Variants in TMEM185B observed in about 807,000 individuals in gnomAD.
TMEM185B encodes the protein transmembrane protein 185B, also known as ee3_2.
Under a neutral mutation model 26.2 loss-of-function variants are expected in TMEM185B, and 9 were observed. The ratio of observed to expected loss-of-function variants is 0.34; its 90% CI spans 0.21 to 0.60. The LOEUF is 0.60. Ranked by LOEUF, TMEM185B falls within the 20% of genes least tolerant of loss-of-function variation. The pLI, the probability that TMEM185B is intolerant of heterozygous loss-of-function variation, is 0.80. For synonymous variants in TMEM185B, 204 were observed against 191.8 expected, an observed-to-expected ratio of 1.06 and a Z score of -0.52; for missense variants, 392 against 447.9, an observed-to-expected ratio of 0.88 and a Z score of 1.13.
In TMEM185B at chr2:120,223,117, A is replaced by C. The variant is rs971837598; in HGVS notation, c.-141T>G. ...GACGAATGCCGGGACGACCAGGAGGAGGTTCGGAGCGGCGAAGCGGAGAGG... is the reference window on the plus strand; with the variant it reads ...GACGAATGCCGGGACGACCAGGAGGCGGTTCGGAGCGGCGAAGCGGAGAGG... On this transcript the variant is annotated 5_prime_UTR_variant, in exon 1 of 1. Coordinates refer to ENST00000426077, the MANE Select transcript of TMEM185B (RefSeq NM_024121.3). 1 of 583,856 alleles carries C rather than the reference A, an allele frequency of 1.7e-6. No homozygotes were observed. Among genetic ancestry groups the C allele is most frequent in the African/African-American group, 1.9e-5 (1 of 51,320 alleles). The allele number at this position is 583,856 out of a possible 1,614,324, so 36.2% of individuals were successfully genotyped here.
Position 120,222,181 on chromosome 2 carries a change from C to G in TMEM185B, c.796G>C (p.Gly266Arg). 7.1e-6 allele frequency: 11 copies of G among 1,548,786 alleles called. No homozygotes were observed. The highest frequency in any genetic ancestry group is 8.7e-6 in the Non-Finnish European group (10 of 1,150,504). ...TLMATTFRRK[G>R]GNHWWFGIRR... ...ATGCCAAACCACCAATGATTGCCCC[C>G]CTTTCGCCTAAATGTTGTGGCCATT... Residue 266 changes from glycine (G) to arginine (R), a missense_variant, in exon 1 of 1, where the codon GGG becomes CGG. Coordinates refer to ENST00000426077, the MANE Select transcript of TMEM185B (RefSeq NM_024121.3).
In TMEM185B at chr2:120,222,941, G is replaced by T. The variant is rs1462427414; in HGVS notation, c.36C>A (p.Pro12=). The T allele has an allele frequency of 6.9e-7, 1 of 1,444,768 alleles. No individual in the cohort carries two copies. The highest frequency in any genetic ancestry group is 2.8e-5 in the Admixed American group (1 of 35,154). 89.5% of individuals were successfully genotyped at this position (1,444,768 alleles called of 1,614,324 possible). The part of the protein sequence containing the change: ...NPRGLFQDFN[P]SKFLIYTCLL... ...GGCAGGTGTAGATGAGAAACTTACT[G>T]GGGTTGAAGTCCTGGAACAGGCCCC... The change falls in exon 1 of 1, where the codon CCC becomes CCA. Residue 12 remains proline, a synonymous_variant. Transcript: ENST00000426077.
rs1688540720 is a variant in TMEM185B, at chr2:120,218,871, G to T, written c.*3053C>A. On this transcript the variant is annotated 3_prime_UTR_variant, in exon 1 of 1. Transcript: ENST00000426077. Reference sequence around the variant, plus strand: ...CATTTTGTAATACTGAGGTCACGGAGTGACAGCCCCCTGTGTGGACTGTGC... The same window carrying T: ...CATTTTGTAATACTGAGGTCACGGATTGACAGCCCCCTGTGTGGACTGTGC... Among the ~76,000 whole-genome samples, 1 of 152,254 alleles carries T rather than the reference G, an allele frequency of 6.6e-6. No individual in the cohort carries two copies. The highest frequency in any genetic ancestry group is 2.1e-4 in the South Asian group (1 of 4,836).
Position 120,222,723 on chromosome 2 carries a change from A to G in TMEM185B, c.254T>C (p.Leu85Pro). ...CAGCAGGTGGATGCCCACAGCGATC[A>G]GCATGGCTTTGAACTCCACACAGGC... is the stretch of plus-strand genomic sequence containing the variant. ...GEACVEFKAM[L>P]IAVGIHLLLL... is the part of the protein sequence containing the mutation. Residue 85 changes from leucine to proline, a missense_variant, in exon 1 of 1, where the codon CTG becomes CCG. By Grantham distance (98) the Leu-to-Pro change is moderately conservative. This residue lies in a region of TMEM185B where 175 missense variants were observed against 169.1 expected (regional missense o/e 1.03). Transcript: ENST00000426077. 1 of 1,536,514 alleles carries G rather than the reference A, an allele frequency of 6.5e-7. No individual in the cohort carries two copies. Among genetic ancestry groups the G allele is most frequent in the Non-Finnish European group, 8.7e-7 (1 of 1,146,978 alleles).
Position 120,222,670 on chromosome 2 carries a change from C to G in TMEM185B, c.307G>C (p.Asp103His), listed in dbSNP as rs1688609403. 5 of 1,536,418 alleles carry G rather than the reference C, an allele frequency of 3.3e-6. No homozygotes were observed. The highest frequency in any genetic ancestry group is 1.4e-5 in the African/African-American group (1 of 73,060). Residue 103 changes from aspartate (D) to histidine (H), a missense_variant, in exon 1 of 1, where the codon GAC (aspartate) becomes CAC (histidine). Asp to His is a moderately conservative substitution (Grantham distance 81). Coordinates refer to ENST00000426077, the MANE Select transcript of TMEM185B (RefSeq NM_024121.3). ...LLLMFEVLVCDRVERGTHFWL... is the reference protein window; with the variant it reads ...LLLMFEVLVCHRVERGTHFWL... ...AAGTGGGTGCCCCTCTCCACCCTGTCGCAGACCAGGACTTCGAACATGAGC... is the reference window on the plus strand; with the variant it reads ...AAGTGGGTGCCCCTCTCCACCCTGTGGCAGACCAGGACTTCGAACATGAGC...
In TMEM185B at chr2:120,222,838, T is replaced by A; in HGVS notation, c.139A>T (p.Ile47Leu). 1 of 1,511,414 alleles carries A rather than the reference T, an allele frequency of 6.6e-7. No individual in the cohort carries two copies. The highest frequency in any genetic ancestry group is 8.8e-7 in the Non-Finnish European group (1 of 1,136,242). 93.6% of individuals were successfully genotyped at this position (1,511,414 alleles called of 1,614,324 possible). The change falls in exon 1 of 1, where the codon ATA (isoleucine) becomes TTA (leucine). Residue 47 changes from isoleucine (I) to leucine (L), a missense_variant. Transcript: ENST00000426077. ...ACGACTAGAAGCTTCCACAGCCATA[T>A]GGGGGCAAAGACGGCCCAGTAGCTC... is the stretch of plus-strand genomic sequence containing the variant. ...QWSYWAVFAP[I>L]WLWKLLVVAG...
chr2:120,222,508 C>T lies in TMEM185B; in HGVS notation c.469G>A (p.Ala157Thr). Residue 157 changes from alanine to threonine, a missense_variant, in exon 1 of 1, where the codon GCC (alanine) becomes ACC (threonine). Ala to Thr is a moderately conservative substitution (Grantham distance 58, BLOSUM62 0). Coordinates refer to ENST00000426077, the MANE Select transcript of TMEM185B (RefSeq NM_024121.3). ...TGAATAATCCTGTCCAGCTTTAGGG[C>T]GATGAAGATGAACTGCAGGATGTTG... ...SVNILQFIFI[A>T]LKLDRIIHWP... 2 of 1,536,216 alleles carry T rather than the reference C, an allele frequency of 1.3e-6. No homozygotes were observed. The highest frequency in any genetic ancestry group is 1.7e-6 in the Non-Finnish European group (2 of 1,146,910).
At position 120,218,868 on chromosome 2, in the gene TMEM185B, G is replaced by A. The variant is rs1198124764; in HGVS notation, c.*3056C>T. 6.6e-6 allele frequency among the ~76,000 whole-genome samples: 1 copy of A among 152,252 alleles called. No homozygotes were observed. Among genetic ancestry groups the A allele is most frequent in the African/African-American group, 2.4e-5 (1 of 41,464 alleles). On this transcript the variant is annotated 3_prime_UTR_variant, in exon 1 of 1. Transcript: ENST00000426077. ...AACCATTTTGTAATACTGAGGTCAC[G>A]GAGTGACAGCCCCCTGTGTGGACTG...
rs557662077 is a variant in TMEM185B at position 120,219,755 on chromosome 2, C to A, written c.*2169G>T. Among the ~76,000 whole-genome samples, 2 of 152,322 alleles carry A rather than the reference C, an allele frequency of 1.3e-5. No individual in the cohort carries two copies. The highest frequency in any genetic ancestry group is 1.3e-4 in the Admixed American group (2 of 15,298). Reference sequence around the variant, plus strand: ...TAGGTCACCCTGAGGCTAGCAGCATCCTTCCCTGCATTTTGCAAAAGCTGC... The same window carrying A: ...TAGGTCACCCTGAGGCTAGCAGCATACTTCCCTGCATTTTGCAAAAGCTGC... On this transcript the variant is annotated 3_prime_UTR_variant, in exon 1 of 1. Transcript: ENST00000426077.
rs947298150 is a variant in TMEM185B at position 120,218,782 on chromosome 2, T to G, written c.*3142A>C. Among the ~76,000 whole-genome samples, 5 of 152,218 alleles carry G rather than the reference T, an allele frequency of 3.3e-5. No homozygotes were observed. Among genetic ancestry groups the G allele is most frequent in the African/African-American group, 1.2e-4 (5 of 41,448 alleles). On this transcript the variant is annotated 3_prime_UTR_variant, in exon 1 of 1. Transcript: ENST00000426077. ...ACAGCTTTTAAAAATTTCAGGATAT[T>G]CGTAAAGCACACGGGAAACAAATCA...
chr2:120,223,107 G>C lies in TMEM185B; in HGVS notation c.-131C>G, dbSNP rs955772258. ...GCTCCGCGTGGACGAATGCCGGGAC[G>C]ACCAGGAGGAGGTTCGGAGCGGCGA... On this transcript the variant is annotated 5_prime_UTR_variant, in exon 1 of 1. Coordinates refer to ENST00000426077, the MANE Select transcript of TMEM185B (RefSeq NM_024121.3). The C allele has an allele frequency of 1.5e-5, 9 of 619,564 alleles. No individual in the cohort carries two copies. The highest frequency in any genetic ancestry group is 1.3e-4 in the Admixed American group (3 of 23,626). 38.4% of individuals were successfully genotyped at this position (619,564 alleles called of 1,614,324 possible). A position where few individuals can be genotyped will look rare whatever the true frequency, so the allele number is the denominator to read the frequency against.
At position 120,222,340 on chromosome 2, in the gene TMEM185B, T is replaced by C; in HGVS notation, c.637A>G (p.Met213Val). The change falls in exon 1 of 1, where the codon ATG becomes GTG. Residue 213 changes from methionine to valine, a missense_variant. By Grantham distance (21) the Met-to-Val change is conservative. Around this residue, in one of 3 missense-constraint regions of TMEM185B, gnomAD observed 176 missense variants for 201.6 expected, o/e 0.87. Coordinates refer to ENST00000426077, the MANE Select transcript of TMEM185B (RefSeq NM_024121.3). ...VAEQRRTHVT[M>V]AISWITIVVP... ...ACAATCGTTATCCAACTGATAGCCA[T>C]GGTCACGTGTGTTCTCCGCTGCTCG... 1 of 1,536,104 alleles carries C rather than the reference T, an allele frequency of 6.5e-7. No homozygotes were observed.
Position 120,223,041 on chromosome 2 carries a change from CGGCTTCTCCGGCCGCCGCCTCCCGGG to C in TMEM185B, c.-91_-66del. ...GCGACGCTCGGCGCTCGCGTCTCCG[CGGCTTCTCCGGCCGCCGCCTCCCGGG>C]CCCCGCCCAAGCCGGCTCCGCGTGG... On this transcript the variant is annotated 5_prime_UTR_variant, in exon 1 of 1. Coordinates refer to ENST00000426077, the MANE Select transcript of TMEM185B (RefSeq NM_024121.3). 8.2e-7 allele frequency: 1 copy of C among 1,223,542 alleles called. No individual in the cohort carries two copies. The highest frequency in any genetic ancestry group is 1.0e-6 in the Non-Finnish European group (1 of 962,030). 75.8% of individuals were successfully genotyped at this position (1,223,542 alleles called of 1,614,324 possible). A position where few individuals can be genotyped will look rare whatever the true frequency, so the allele number is the denominator to read the frequency against.
rs751221312 is a variant in TMEM185B at position 120,222,638 on chromosome 2, C to G, written c.339G>C (p.Leu113=). The change falls in exon 1 of 1, where the codon CTG becomes CTC. Residue 113 remains leucine, a synonymous_variant. Transcript: ENST00000426077. ...DRVERGTHFW[L]LVFMPLFFVS... ...CGAAGAAGAGAGGCATGAAGACCAG[C>G]AGCCAGAAGTGGGTGCCCCTCTCCA... is the stretch of plus-strand genomic sequence containing the variant. The G allele has an allele frequency of 2.3e-5, 35 of 1,536,470 alleles. No homozygotes were observed. In the South Asian group the frequency reaches 3.9e-4, roughly 17 times the overall value.
rs186457696 is a variant in TMEM185B, at chr2:120,220,672, C to T, written c.*1252G>A. On this transcript the variant is annotated 3_prime_UTR_variant, in exon 1 of 1. Coordinates refer to ENST00000426077, the MANE Select transcript of TMEM185B (RefSeq NM_024121.3). The stretch of plus-strand genomic sequence containing the variant: ...TTGAACCGGGAGGCGGAGGCTGCGG[C>T]GAGCTGAGATCAAGATTGTGCCATT... 1.2e-4 allele frequency among the ~76,000 whole-genome samples: 19 copies of T among 152,228 alleles called. 1 individual carries two copies. Among genetic ancestry groups the T allele is most frequent in the Admixed American group, 1.1e-3 (17 of 15,286 alleles).
rs1000077232 is a variant in TMEM185B at position 120,217,557 on chromosome 2, A to T, written c.*4367T>A. ...TTACCTTAAAAAAATTTTTAAACCT[A>T]TATTTTCCAAAACAATATATTTCAT... On this transcript the variant is annotated 3_prime_UTR_variant, in exon 1 of 1. Transcript: ENST00000426077. 6.6e-6 allele frequency among the ~76,000 whole-genome samples: 1 copy of T among 152,212 alleles called. No homozygotes were observed. Among genetic ancestry groups the T allele is most frequent in the Non-Finnish European group, 1.5e-5 (1 of 68,040 alleles).
rs948374283 is a variant in TMEM185B at position 120,222,346 on chromosome 2, C to A, written c.631G>T (p.Val211Leu). 2.6e-6 allele frequency: 4 copies of A among 1,536,028 alleles called. No homozygotes were observed. The highest frequency in any genetic ancestry group is 2.7e-5 in the African/African-American group (2 of 73,032). The stretch of plus-strand genomic sequence containing the variant: ...GTTATCCAACTGATAGCCATGGTCA[C>A]GTGTGTTCTCCGCTGCTCGGCAACC... ...DVVAEQRRTH[V>L]TMAISWITIV... The change falls in exon 1 of 1, where the codon GTG becomes TTG. Residue 211 changes from valine (V) to leucine (L), a missense_variant. This residue lies in a region of TMEM185B where 176 missense variants were observed against 201.6 expected (regional missense o/e 0.87). Transcript: ENST00000426077.
At position 120,223,001 on chromosome 2, in the gene TMEM185B, C is replaced by T. The variant is rs1558937448; in HGVS notation, c.-25G>A. 2 of 1,372,072 alleles carry T rather than the reference C, an allele frequency of 1.5e-6. No homozygotes were observed. The highest frequency in any genetic ancestry group is 1.8e-5 in the South Asian group (1 of 56,398). The allele number at this position is 1,372,072 out of a possible 1,614,324, so 85.0% of individuals were successfully genotyped here. On this transcript the variant is annotated 5_prime_UTR_variant, in exon 1 of 1. Coordinates refer to ENST00000426077, the MANE Select transcript of TMEM185B (RefSeq NM_024121.3). Reference sequence around the variant, plus strand: ...TGGCGGAGGCCGCCGCTTGCCTGCCCGGGCCTGCTCCCTCGCGACGCTCGG... The same window carrying T: ...TGGCGGAGGCCGCCGCTTGCCTGCCTGGGCCTGCTCCCTCGCGACGCTCGG...
In TMEM185B at chr2:120,217,512, G is replaced by C. The variant is rs1300932053; in HGVS notation, c.*4412C>G. 2.6e-5 allele frequency among the ~76,000 whole-genome samples: 4 copies of C among 152,208 alleles called. No individual in the cohort carries two copies. In the East Asian group the frequency reaches 7.7e-4, roughly 29 times the overall value. On this transcript the variant is annotated 3_prime_UTR_variant, in exon 1 of 1. Coordinates refer to ENST00000426077, the MANE Select transcript of TMEM185B (RefSeq NM_024121.3). Reference sequence around the variant, plus strand: ...AAAAACATTTATTCATCCATTTGAAGACTATACATCCATTACATGTTACCT... The same window carrying C: ...AAAAACATTTATTCATCCATTTGAACACTATACATCCATTACATGTTACCT...
Sources: allele counts gnomAD v4.1 joint callset (sites outside exome capture counted in the v4.1 genomes callset), GRCh38; gene constraint gnomAD v4.1.1; regional missense constraint gnomAD v4.1.1; transcripts MANE v1.5; gene names NCBI Gene and HGNC (gene_info 2026-07-23, HGNC 2026-07-21).